The following RYR1 variants were observed in gnomAD, a reference collection of about 807,000 sequenced individuals.
RYR1 encodes central core disease of muscle.
RYR1 carries 342 observed loss-of-function variants against 583.5 expected under a neutral mutation model. That is an observed-to-expected ratio of 0.59 (90% CI 0.54 to 0.64). The LOEUF (loss-of-function observed/expected upper bound fraction) is 0.64. Among genes scored for constraint, RYR1 ranks in the 30% least tolerant of loss-of-function variants. The pLI is 0.00. For missense variants in RYR1, 6,032 were observed against 6,917.2 expected, an observed-to-expected ratio of 0.87 and a Z score of 4.54; for synonymous variants, 2,791 against 2,822.5, an observed-to-expected ratio of 0.99 and a Z score of 0.35.
Position 38,502,565 on chromosome 19 carries a change from T to G in RYR1, c.7673T>G (p.Val2558Gly), listed in dbSNP as rs777134421. The change falls in exon 48 of 106, where the codon GTG (valine) becomes GGG (glycine). Residue 2558 changes from valine to glycine, a missense_variant. Coordinates refer to ENST00000359596, the MANE Select transcript of RYR1 (RefSeq NM_000540.3). Reference protein sequence around the residue: ...LALNRYLCLAVLPLITKCAPL... With the variant: ...LALNRYLCLAGLPLITKCAPL... ...CTGAACCGCTACCTGTGCCTGGCCG[T>G]GCTGCCGCTCATCACCAAGTGTGCG... is the stretch of plus-strand genomic sequence containing the variant. 6.2e-7 allele frequency: 1 copy of G among 1,611,876 alleles called. No homozygotes were observed. Among genetic ancestry groups the G allele is most frequent in the Non-Finnish European group, 8.5e-7 (1 of 1,179,860 alleles).
At chr19:38,464,819 GAGGTT>G (rs1968007609) in intron 23 of RYR1, 97 bp downstream of exon 23, 1 of 1,057,724 alleles carries the variant, frequency 9.5e-7, no homozygotes, top group East Asian at 2.6e-5. Flanking sequence ...TGGGGAGGCT[GAGGTT>G]AGGGAGGAAG....
intron 28 of RYR1, among the ~76,000 whole-genome samples, chr19:38,474,096 C>T (rs1968586646): frequency 6.6e-6 from 1 of 152,206 alleles, no homozygotes; most frequent in South Asian, 2.1e-4. Flanking sequence ...TCAGTATCTT[C>T]CTAGGAGAGT....
chr19:38,581,726 G>T (rs1332372669), intron 101 of RYR1, among the ~76,000 whole-genome samples: 2 of 152,066 alleles, frequency 1.3e-5, no homozygotes, highest in African/African-American at 4.8e-5. Context: ...AGCCTCCTGA[G>T]TAGCTGGGAT....
At position 38,543,842 on chromosome 19, in the gene RYR1, C is replaced by T. The variant is rs1972310342; in HGVS notation, c.11979C>T (p.His3993=). ...GGGACGCAGTGGTGGGATTCCTGCA[C>T]GTGTTCGCCCACATGATGATGAAGC... ...RLWDAVVGFL[H]VFAHMMMKLA... is the part of the protein sequence containing the mutation. The change falls in exon 87 of 106, where the codon CAC becomes CAT. Residue 3993 remains histidine, a synonymous_variant. Coordinates refer to ENST00000359596, the MANE Select transcript of RYR1 (RefSeq NM_000540.3). This position sits in a 1 kb window ranked among gnomAD's most constrained non-coding sequence, Gnocchi z 4.4. 1 of 1,613,838 alleles carries T rather than the reference C, an allele frequency of 6.2e-7. No individual in the cohort carries two copies. Among genetic ancestry groups the T allele is most frequent in the Non-Finnish European group, 8.5e-7 (1 of 1,180,014 alleles).
Position 38,451,757 on chromosome 19 carries a change from C to T in RYR1, c.1123-7C>T, listed in dbSNP as rs768024565. On this transcript the variant is annotated splice_polypyrimidine_tract_variant and splice_region_variant and intron_variant, in intron 11 of 105. Coordinates refer to ENST00000359596, the MANE Select transcript of RYR1 (RefSeq NM_000540.3). ...CCCACTCCAGACCTCTGTCTCCCCA[C>T]TCCTAGGCCATGCTGCACCAGGAGG... The T allele has an allele frequency of 6.2e-7, 1 of 1,614,120 alleles. No homozygotes were observed. The highest frequency in any genetic ancestry group is 8.5e-7 in the Non-Finnish European group (1 of 1,180,026).
rs1968095750 is a variant in RYR1, at chr19:38,466,225, A to G, written c.3005A>G (p.Gln1002Arg). 3.7e-6 allele frequency: 6 copies of G among 1,613,498 alleles called. No homozygotes were observed. The highest frequency in any genetic ancestry group is 1.3e-5 in the African/African-American group (1 of 75,056). Residue 1002 changes from glutamine to arginine, a missense_variant, in exon 24 of 106, where the codon CAG becomes CGG. This residue lies in a region of RYR1 where 2,627 missense variants were observed against 2,961.3 expected (regional missense o/e 0.89). Transcript: ENST00000359596. ...GTGTGGGCCCGAGACCGCGTGGGCC[A>G]GGGCTGGAGCTACAGCGCAGTGCAG... ...HNVWARDRVG[Q>R]GWSYSAVQDI...
chr19:38,461,440 C>G (rs1226328209), intron 20 of RYR1, among the ~76,000 whole-genome samples: 2 of 151,866 alleles, frequency 1.3e-5, no homozygotes, highest in Non-Finnish European at 2.9e-5. Flanking sequence ...GAGTCCTCAC[C>G]ACTGCCCCAC....
chr19:38,501,787 C>T (rs1449423680), intron 47 of RYR1, among the ~76,000 whole-genome samples: 1 of 152,056 alleles, frequency 6.6e-6, no homozygotes, highest in Non-Finnish European at 1.5e-5. Context: ...ATTTTGAGAC[C>T]AGCCTGGGCA....
chr19:38,455,758 C>T lies in RYR1; in HGVS notation c.1791+7C>T, dbSNP rs1175430553. The T allele has an allele frequency of 6.4e-6, 10 of 1,551,354 alleles. No individual in the cohort carries two copies. The highest frequency in any genetic ancestry group is 8.9e-6 in the Non-Finnish European group (10 of 1,124,092). ...GCATGGGAGGAACCACAAGGTCGGC[C>T]CCTCACCCCTGACCTCTCATCCCCT... On this transcript the variant is annotated splice_region_variant and intron_variant, in intron 16 of 105. Coordinates refer to ENST00000359596, the MANE Select transcript of RYR1 (RefSeq NM_000540.3).
In RYR1 at chr19:38,573,257, T is replaced by C; in HGVS notation, c.14079T>C (p.Pro4693=). ...ATGGCCTGTACATCACGGAGCAGCC[T>C]GAGGACGATGACGTGAAGGGGCAGT... ...EFDGLYITEQ[P]EDDDVKGQWD... Residue 4693 remains proline, a synonymous_variant, in exon 96 of 106, where the codon CCT becomes CCC. Transcript: ENST00000359596. 1 of 1,613,868 alleles carries C rather than the reference T, an allele frequency of 6.2e-7. No individual in the cohort carries two copies. Among genetic ancestry groups the C allele is most frequent in the South Asian group, 1.1e-5 (1 of 91,080 alleles).
rs577232637 is a variant in RYR1, at chr19:38,501,992, A to AT, written c.7615-515_7615-514insT. Reference sequence around the variant, plus strand: ...CAGAGCGAGACCTTATCTCAGAAAAAAAAAAGAAAAATAAATTAGCCAGGC... The same window carrying AT: ...CAGAGCGAGACCTTATCTCAGAAAAATAAAAAGAAAAATAAATTAGCCAGGC... On this transcript the variant is annotated intron_variant, in intron 47 of 105. Coordinates refer to ENST00000359596, the MANE Select transcript of RYR1 (RefSeq NM_000540.3). Among the ~76,000 whole-genome samples the AT allele has an allele frequency of 4.9e-4, 74 of 151,692 alleles. 2 individuals carry two copies. In the South Asian group the frequency reaches 0.015, roughly 30 times the overall value.
At chr19:38,572,846 C>T (rs1055421694) in intron 95 of RYR1, among the ~76,000 whole-genome samples, 26 of 151,396 alleles carry the variant, frequency 1.7e-4, no homozygotes, top group African/African-American at 6.3e-4. Context: ...CACTGCCAGC[C>T]CCGACTGCTC....
chr19:38,491,456 G>T (rs1413076313), intron 37 of RYR1, among the ~76,000 whole-genome samples: 2 of 147,842 alleles, frequency 1.4e-5, no homozygotes, highest in Admixed American at 1.3e-4. Context: ...TTTTGAGACG[G>T]TCTCACTCTG....
intron 97 of RYR1, 34 bp downstream of exon 97, chr19:38,575,995 G>T (rs1466105029): frequency 2.4e-5 from 38 of 1,613,210 alleles, no homozygotes; most frequent in Non-Finnish European, 3.1e-5. Context: ...GTCCTGGATT[G>T]GGTCCCTGCC....
At chr19:38,578,367 C>T (rs565781648) in intron 99 of RYR1, among the ~76,000 whole-genome samples, 163 bp downstream of exon 99, 4 of 152,264 alleles carry the variant, frequency 2.6e-5, no homozygotes, top group Admixed American at 2.0e-4. Context: ...TCCCCCTAGA[C>T]ATCTTATTAG....
Position 38,526,974 on chromosome 19 carries a change from C to A in RYR1, c.10627-19C>A. The A allele has an allele frequency of 6.2e-7, 1 of 1,613,670 alleles. No individual in the cohort carries two copies. The highest frequency in any genetic ancestry group is 8.5e-7 in the Non-Finnish European group (1 of 1,179,724). ...GGATGGGACCTCCAGAGTGACCCAG[C>A]CTGGCTCTGTCTCCCCAGAAAGACA... is the stretch of plus-strand genomic sequence containing the variant. On this transcript the variant is annotated intron_variant, in intron 71 of 105. Transcript: ENST00000359596.
At chr19:38,547,881 T>C (rs568630850) in intron 88 of RYR1, among the ~76,000 whole-genome samples, 1 of 151,946 alleles carries the variant, frequency 6.6e-6, no homozygotes, top group East Asian at 1.9e-4. Context: ...GCCCAGCTGA[T>C]TTTGTATTTT....
Position 38,528,263 on chromosome 19 carries a change from G to A in RYR1, c.10825-43G>A, listed in dbSNP as rs1433868784. 5 of 1,535,320 alleles carry A rather than the reference G, an allele frequency of 3.3e-6. No homozygotes were observed. In the South Asian group the frequency reaches 4.5e-5, roughly 14 times the overall value. ...TTCATCCAGGGCTGGGAGTGAGAGG[G>A]GCAGGGTCTGGGGATGTGACTGTCC... On this transcript the variant is annotated intron_variant, in intron 73 of 105. Coordinates refer to ENST00000359596, the MANE Select transcript of RYR1 (RefSeq NM_000540.3).
chr19:38,504,105 A>C, intron 49 of RYR1, 115 bp from the exon 50 acceptor site: 1 of 993,874 alleles, frequency 1.0e-6, no homozygotes, highest in South Asian at 1.9e-5. Flanking sequence ...TGCATAACCC[A>C]CACCTCCTTC....
Sources: gnomAD v4.1 joint callset for allele counts (sites outside exome capture counted in the v4.1 genomes callset) on GRCh38, gnomAD v4.1.1 for gene constraint, gnomAD v4.1.1 regional missense constraint, Gnocchi (gnomAD v3.1) non-coding constraint, MANE v1.5 for transcripts, NCBI Gene and HGNC (gene_info 2026-07-23, HGNC 2026-07-21) for gene names.